ALCAM: variants seen among roughly 807,000 people sequenced by gnomAD.
ALCAM encodes the protein activated leukocyte cell adhesion molecule.
ALCAM carries 30 observed loss-of-function variants against 70.9 expected under a neutral mutation model. The observed-to-expected ratio is 0.42, with a 90% CI of 0.32 to 0.57. The LOEUF (loss-of-function observed/expected upper bound fraction) is 0.57, where lower values mean the gene tolerates loss of function less well. Among genes scored for constraint, ALCAM ranks in the 20% least tolerant of loss-of-function variants. ALCAM has a pLI of 0.11. For synonymous variants in ALCAM, 249 were observed against 242.5 expected, an observed-to-expected ratio of 1.03 and a Z score of -0.25; for missense variants, 591 against 695.1, an observed-to-expected ratio of 0.85 and a Z score of 1.68.
intron 1 of ALCAM, among the ~76,000 whole-genome samples, chr3:105,387,414 T>C (rs1935687926): frequency 6.6e-6 from 1 of 151,328 alleles, no homozygotes. Context: ...ATACAGAAGG[T>C]ACTACTAACT....
intron 1 of ALCAM, among the ~76,000 whole-genome samples, chr3:105,421,532 C>G (rs1193848139): frequency 6.6e-6 from 1 of 151,214 alleles, no homozygotes; most frequent in African/African-American, 2.4e-5. Flanking sequence ...TAGTCTTTTC[C>G]TCAGCCTGTT....
chr3:105,380,273 A>T (rs1935487075), intron 1 of ALCAM, among the ~76,000 whole-genome samples: 1 of 151,788 alleles, frequency 6.6e-6, no homozygotes, highest in African/African-American at 2.4e-5. Flanking sequence ...TAATTTTGTT[A>T]TGATGAAAGA....
intron 1 of ALCAM, among the ~76,000 whole-genome samples, chr3:105,472,629 T>C (rs1937967609): frequency 6.6e-6 from 1 of 151,532 alleles, no homozygotes; most frequent in South Asian, 2.1e-4. Context: ...AATAGGATTG[T>C]AAACATGAAA....
chr3:105,529,629 C>T (rs533135260), intron 3 of ALCAM, among the ~76,000 whole-genome samples: 4 of 152,144 alleles, frequency 2.6e-5, no homozygotes, highest in East Asian at 1.9e-4. Context: ...AATAGAAAGA[C>T]GAATCATAAT....
At position 105,447,243 on chromosome 3, in the gene ALCAM, TA is replaced by T. The variant is rs1450226648; in HGVS notation, c.74-72821del. ...TATATATATGTTACTCCTTTAAACT[TA>T]AAGAGTAAAAAATTAAAATCAATGT... On this transcript the variant is annotated intron_variant, in intron 1 of 15. Coordinates refer to ENST00000306107, the MANE Select transcript of ALCAM (RefSeq NM_001627.4). Among the ~76,000 whole-genome samples, 38 of 152,088 alleles carry T rather than the reference TA, an allele frequency of 2.5e-4. No homozygotes were observed. The Middle Eastern group carries it at 0.014, about 54-fold the overall frequency.
chr3:105,451,008 G>T (rs115664911), intron 1 of ALCAM, among the ~76,000 whole-genome samples: 1 of 152,090 alleles, frequency 6.6e-6, no homozygotes, highest in South Asian at 2.1e-4. Flanking sequence ...AAGGAGGTAG[G>T]AAGGGTGAGT....
chr3:105,391,344 C>A (rs1226645343), intron 1 of ALCAM, among the ~76,000 whole-genome samples: 1 of 151,670 alleles, frequency 6.6e-6, no homozygotes, highest in Non-Finnish European at 1.5e-5. Flanking sequence ...AGGTATTTTA[C>A]TCTCTTTGTA....
chr3:105,557,008 G>C (rs1468583098), intron 14 of ALCAM, among the ~76,000 whole-genome samples: 1 of 151,914 alleles, frequency 6.6e-6, no homozygotes, highest in Non-Finnish European at 1.5e-5. Flanking sequence ...ACCTGCTCAA[G>C]ATATCATAAG....
At chr3:105,532,285 A>C (rs1939859241) in intron 4 of ALCAM, among the ~76,000 whole-genome samples, 1 of 152,130 alleles carries the variant, frequency 6.6e-6, no homozygotes, top group Non-Finnish European at 1.5e-5. Flanking sequence ...ATTTCTGAAA[A>C]GAGGAGTCTT....
chr3:105,528,073 G>A (rs1044826440), intron 3 of ALCAM, among the ~76,000 whole-genome samples: 1 of 152,136 alleles, frequency 6.6e-6, no homozygotes, highest in African/African-American at 2.4e-5. Context: ...CAAAGTACTG[G>A]GAGGAGCCGT....
chr3:105,533,758 T>G (rs1213661656), intron 5 of ALCAM, 68 bp downstream of exon 5: 2 of 1,477,530 alleles, frequency 1.4e-6, no homozygotes, highest in African/African-American at 1.4e-5. Flanking sequence ...TTGTTCTAGG[T>G]ATTCTTTAAA....
intron 15 of ALCAM, among the ~76,000 whole-genome samples, 171 bp downstream of exon 15, chr3:105,572,135 C>T (rs370862919): frequency 6.6e-6 from 1 of 152,002 alleles, no homozygotes; most frequent in Non-Finnish European, 1.5e-5. Context: ...ATGTGCAGAA[C>T]GTGAAGGTAT....
intron 1 of ALCAM, among the ~76,000 whole-genome samples, chr3:105,440,209 G>A (rs563276091): frequency 3.3e-4 from 50 of 152,246 alleles, no homozygotes; most frequent in African/African-American, 1.1e-3. Flanking sequence ...GAAATACAAA[G>A]GCATAGCATC....
In ALCAM at chr3:105,545,322, T is replaced by G. The variant is rs372545540; in HGVS notation, c.1091T>G (p.Val364Gly). The change falls in exon 9 of 16, where the codon GTG (valine) becomes GGG (glycine). Residue 364 changes from valine to glycine, a missense_variant. Physicochemically the swap from Val to Gly is moderately radical, Grantham distance 109. Transcript: ENST00000306107. ...CTISASRNAT[V>G]VWMKDNIRLR... ...ATATCTGCTAGCAGGAATGCAACTG[T>G]GGTATGGATGAAAGTAAGTAATATT... 1 of 1,606,466 alleles carries G rather than the reference T, an allele frequency of 6.2e-7. No individual in the cohort carries two copies. Among genetic ancestry groups the G allele is most frequent in the African/African-American group, 1.3e-5 (1 of 74,526 alleles).
intron 1 of ALCAM, among the ~76,000 whole-genome samples, chr3:105,426,469 A>G (rs1295001520): frequency 6.6e-6 from 1 of 151,966 alleles, no homozygotes; most frequent in African/African-American, 2.4e-5. Context: ...TAACATAGCC[A>G]TGACTTTAAC....
chr3:105,474,319 G>T (rs1190885150), intron 1 of ALCAM, among the ~76,000 whole-genome samples: 1 of 151,690 alleles, frequency 6.6e-6, no homozygotes, highest in African/African-American at 2.4e-5. Flanking sequence ...TGTTATGCAT[G>T]AAGCAACTTT....
intron 1 of ALCAM, among the ~76,000 whole-genome samples, chr3:105,479,789 A>G (rs1182332061): frequency 6.6e-6 from 1 of 152,168 alleles, no homozygotes; most frequent in Non-Finnish European, 1.5e-5. Flanking sequence ...TGAATTAAAT[A>G]GCCATTCCCT....
At chr3:105,511,511 C>T (rs1247536129) in intron 1 of ALCAM, among the ~76,000 whole-genome samples, 1 of 151,950 alleles carries the variant, frequency 6.6e-6, no homozygotes, top group Non-Finnish European at 1.5e-5. Flanking sequence ...CCATAGAAAG[C>T]CGTAATATTC....
chr3:105,540,214 C>T, intron 7 of ALCAM, 112 bp downstream of exon 7: 1 of 1,137,322 alleles, frequency 8.8e-7, no homozygotes, highest in Non-Finnish European at 1.2e-6. Flanking sequence ...CAAGAGACGC[C>T]ACCTATAAAA....
Sources: allele counts gnomAD v4.1 joint callset (sites outside exome capture counted in the v4.1 genomes callset), GRCh38; gene constraint gnomAD v4.1.1; transcripts MANE v1.5; gene names NCBI Gene and HGNC (gene_info 2026-07-23, HGNC 2026-07-21).